Variants in SENP6 observed in about 807,000 individuals in gnomAD.
SENP6 encodes the protein sentrin-specific protease 6.
SENP6 carries 41 observed loss-of-function variants against 134.5 expected under a neutral mutation model. That is an observed-to-expected ratio of 0.30 (90% confidence interval 0.24 to 0.40). SENP6 has a LOEUF of 0.40. Ranked by LOEUF, SENP6 falls within the 10% of genes least tolerant of loss-of-function variation. The pLI, the probability that SENP6 is intolerant of heterozygous loss-of-function variation, is 1.00. For synonymous variants in SENP6, 395 were observed against 429.8 expected (o/e 0.92, Z 1.00); for missense variants, 1,248 against 1,312.5 (o/e 0.95, Z 0.76).
intron 16 of SENP6, among the ~76,000 whole-genome samples, chr6:75,694,047 G>A (rs937719823): frequency 1.3e-5 from 2 of 152,208 alleles, no homozygotes; most frequent in Middle Eastern, 3.4e-3. Context: ...ACCTGAGATC[G>A]AGAGTTCAAG....
intron 11 of SENP6, among the ~76,000 whole-genome samples, chr6:75,673,324 T>C (rs1772829521): frequency 6.8e-6 from 1 of 146,056 alleles, no homozygotes; most frequent in Non-Finnish European, 1.5e-5. Flanking sequence ...GTCTACTTTT[T>C]TTTTTTTTTT....
At chr6:75,697,137 C>T (rs1310946088) in intron 17 of SENP6, among the ~76,000 whole-genome samples, 1 of 152,100 alleles carries the variant, frequency 6.6e-6, no homozygotes, top group Non-Finnish European at 1.5e-5. Flanking sequence ...ACCAATTCTG[C>T]AGTAATAAAA....
At chr6:75,664,297 C>T (rs960190117) in intron 9 of SENP6, among the ~76,000 whole-genome samples, 4 of 151,132 alleles carry the variant, frequency 2.6e-5, no homozygotes, top group Admixed American at 6.6e-5. Context: ...ATAAACAGAA[C>T]ACTAGGCTTT....
intron 1 of SENP6, among the ~76,000 whole-genome samples, chr6:75,614,822 G>T (rs1447305677): frequency 3.9e-5 from 6 of 152,164 alleles, no homozygotes; most frequent in Admixed American, 3.3e-4. Context: ...TTTGCTGAAG[G>T]TTTGGGGAGT....
chr6:75,705,300 A>C (rs1775312403), intron 19 of SENP6, among the ~76,000 whole-genome samples: 1 of 152,056 alleles, frequency 6.6e-6, no homozygotes, highest in Admixed American at 6.6e-5. Flanking sequence ...TAATCCCAGC[A>C]CTTTGGGAGG....
chr6:75,617,263 C>CTTTT (rs71002751), intron 1 of SENP6, among the ~76,000 whole-genome samples: 1,566 of 58,236 alleles, frequency 0.027, 12 homozygotes, highest in Non-Finnish European at 0.033. Context: ...TTCTTTCTTT[C>CTTTT]TTTTTTTTTT....
At chr6:75,662,208 A>G (rs949916583) in intron 8 of SENP6, among the ~76,000 whole-genome samples, 2 of 152,198 alleles carry the variant, frequency 1.3e-5, no homozygotes, top group African/African-American at 4.8e-5. Context: ...AGTATGTGAT[A>G]TGTAATTTGG....
At chr6:75,686,903 T>C (rs1773881962) in intron 16 of SENP6, among the ~76,000 whole-genome samples, 1 of 152,206 alleles carries the variant, frequency 6.6e-6, no homozygotes, top group Non-Finnish European at 1.5e-5. Context: ...GGAGTATCTT[T>C]GTGGTGTTCT....
rs1774922987 is a variant in SENP6 at position 75,699,999 on chromosome 6, C to CT, written c.2288+2483dup. 2.0e-5 allele frequency among the ~76,000 whole-genome samples: 3 copies of CT among 152,266 alleles called. No homozygotes were observed. The South Asian group carries it at 6.2e-4, about 32-fold the overall frequency. On this transcript the variant is annotated intron_variant, in intron 18 of 23. Transcript: ENST00000447266. ...AATCATAGCTCACTGAAGCTTCAAACTCCTAGGCTTAAGCAATCCTCCTGC... is the reference window on the plus strand; with the variant it reads ...AATCATAGCTCACTGAAGCTTCAAACTTCCTAGGCTTAAGCAATCCTCCTGC...
intron 23 of SENP6, among the ~76,000 whole-genome samples, 156 bp from the exon 24 acceptor site, chr6:75,715,229 A>G (rs540424905): frequency 3.3e-5 from 5 of 152,268 alleles, no homozygotes; most frequent in Admixed American, 2.6e-4. Context: ...TGTATCTCCA[A>G]TACCTAACAC....
chr6:75,639,237 T>G (rs917736001), intron 5 of SENP6, among the ~76,000 whole-genome samples: 3 of 152,228 alleles, frequency 2.0e-5, no homozygotes. Flanking sequence ...CTTTTATGTT[T>G]ATATTTTGCT....
chr6:75,638,309 A>G (rs1174746485), intron 5 of SENP6, among the ~76,000 whole-genome samples: 1 of 145,378 alleles, frequency 6.9e-6, no homozygotes, highest in Non-Finnish European at 1.5e-5. Context: ...TCTTTTCTAT[A>G]TTGTATGAAA....
intron 7 of SENP6, among the ~76,000 whole-genome samples, chr6:75,656,213 CAAAAAA>C (rs5877459): frequency 4.6e-5 from 5 of 108,760 alleles, no homozygotes; most frequent in Non-Finnish European, 5.7e-5. Flanking sequence ...GACTCCGTCT[CAAAAAA>C]AAAAAAAAAA....
chr6:75,681,474 T>G (rs1205396254), intron 16 of SENP6, among the ~76,000 whole-genome samples: 4 of 151,910 alleles, frequency 2.6e-5, no homozygotes, highest in Non-Finnish European at 5.9e-5. Flanking sequence ...TTTTTTTTTT[T>G]TGGAGATGGA....
intron 16 of SENP6, among the ~76,000 whole-genome samples, chr6:75,694,268 A>T (rs901703917): frequency 3.3e-5 from 5 of 152,366 alleles, no homozygotes; most frequent in African/African-American, 1.2e-4. Flanking sequence ...TCTCAAAAAA[A>T]ATTAGAACCA....
chr6:75,668,722 G>A (rs1772439557), intron 10 of SENP6, among the ~76,000 whole-genome samples: 1 of 152,196 alleles, frequency 6.6e-6, no homozygotes, highest in African/African-American at 2.4e-5. Flanking sequence ...AGAATAGTTT[G>A]CTATCGCAAG....
intron 19 of SENP6, among the ~76,000 whole-genome samples, chr6:75,706,967 C>A (rs924919960): frequency 6.6e-6 from 1 of 152,226 alleles, no homozygotes; most frequent in African/African-American, 2.4e-5. Context: ...CACTCAACAT[C>A]TTCACATGGT....
At chr6:75,606,372 T>A (rs1056609683) in intron 1 of SENP6, among the ~76,000 whole-genome samples, 1 of 152,178 alleles carries the variant, frequency 6.6e-6, no homozygotes, top group Non-Finnish European at 1.5e-5. Flanking sequence ...TAACTGTTGC[T>A]CATAACCCCT....
intron 7 of SENP6, among the ~76,000 whole-genome samples, chr6:75,651,450 T>G (rs696645): frequency 0.92 from 140,030 of 152,172 alleles, 65,023 homozygotes; most frequent in South Asian, 0.99. Flanking sequence ...GACCTCCTAG[T>G]CTTACATCAT....
Sources: gnomAD v4.1 joint callset for allele counts (sites outside exome capture counted in the v4.1 genomes callset) on GRCh38, gnomAD v4.1.1 for gene constraint, MANE v1.5 for transcripts, NCBI Gene and HGNC (gene_info 2026-07-23, HGNC 2026-07-21) for gene names.